The following POMT2 variants were observed in gnomAD, a reference collection of about 807,000 sequenced individuals.
The protein encoded by POMT2 is protein O-mannosyltransferase 2.
In POMT2, 75 loss-of-function variants were observed where a neutral mutation model predicts 100.0. That is an observed-to-expected ratio of 0.75 (90% CI 0.62 to 0.91). The LOEUF is 0.91. POMT2 is among the 40% of genes least tolerant of loss of function. The pLI, the probability that POMT2 is intolerant of heterozygous loss-of-function variation, is 0.00. For missense variants in POMT2, 940 were observed against 955.1 expected, an observed-to-expected ratio of 0.98 and a Z score of 0.21; for synonymous variants, 378 against 374.1, an observed-to-expected ratio of 1.01 and a Z score of -0.12.
chr14:77,312,085 CA>C lies in POMT2; in HGVS notation c.249-53del, dbSNP rs1891456703. 2.5e-6 allele frequency: 4 copies of C among 1,598,006 alleles called. No individual in the cohort carries two copies. The African/African-American group carries it at 5.4e-5, about 21-fold the overall frequency. On this transcript the variant is annotated intron_variant, in intron 1 of 20. Coordinates refer to ENST00000261534, the MANE Select transcript of POMT2 (RefSeq NM_013382.7). ...AGAATTTTAAAATTATCATAAAATC[CA>C]AATGGCCTTCATAAAGCATGGTTAA...
intron 14 of POMT2, 29 bp from the exon 15 acceptor site, chr14:77,283,902 C>T: frequency 6.5e-7 from 1 of 1,536,984 alleles, no homozygotes; most frequent in Non-Finnish European, 9.0e-7. Flanking sequence ...GGAGAAAAGC[C>T]TTTGTCATAC....
chr14:77,308,300 T>C (rs113274759), intron 2 of POMT2, among the ~76,000 whole-genome samples: 2,892 of 151,346 alleles, frequency 0.019, 40 homozygotes, highest in Middle Eastern at 0.051. Flanking sequence ...CATACAGTCA[T>C]GCAAATGAAA....
intron 13 of POMT2, 104 bp from the exon 14 acceptor site, chr14:77,285,145 C>T (rs758323379): frequency 2.0e-6 from 2 of 1,003,710 alleles, no homozygotes; most frequent in South Asian, 1.4e-5. Context: ...CTCTTTTCCA[C>T]ATGGTGGCCA....
intron 19 of POMT2, 73 bp from the exon 20 acceptor site, chr14:77,278,581 T>TC: frequency 1.4e-6 from 2 of 1,455,976 alleles, no homozygotes; most frequent in Non-Finnish European, 1.9e-6. Flanking sequence ...AAGGAGGCAC[T>TC]CCAAGTCAAG....
intron 2 of POMT2, among the ~76,000 whole-genome samples, chr14:77,308,968 C>A (rs1891339193): frequency 6.6e-6 from 1 of 152,110 alleles, no homozygotes; most frequent in Non-Finnish European, 1.5e-5. Context: ...ATACTTACGG[C>A]ACATCTACAT....
At chr14:77,291,597 G>A in intron 9 of POMT2, 1 of 647,720 alleles carries the variant, frequency 1.5e-6, no homozygotes, top group Non-Finnish European at 2.6e-6. Flanking sequence ...TAGAAGCTTT[G>A]TCCCACAAGA....
At chr14:77,320,080 G>A (rs551037424) in intron 1 of POMT2, among the ~76,000 whole-genome samples, 1 of 152,038 alleles carries the variant, frequency 6.6e-6, no homozygotes, top group Non-Finnish European at 1.5e-5. Context: ...GCAGACATAG[G>A]AACTCAGGCC....
intron 5 of POMT2, 122 bp downstream of exon 5, chr14:77,302,713 T>A (rs1459551176): frequency 1.3e-6 from 1 of 765,110 alleles, no homozygotes; most frequent in Non-Finnish European, 2.3e-6. Context: ...ACAAAAAGTA[T>A]GCTTGCCTTA....
chr14:77,299,067 A>G (rs1477203251), intron 7 of POMT2, among the ~76,000 whole-genome samples: 1 of 152,256 alleles, frequency 6.6e-6, no homozygotes, highest in East Asian at 1.9e-4. Context: ...GATAATGTGT[A>G]CAAAATGCGG....
chr14:77,303,925 G>A (rs1456691261), intron 4 of POMT2, among the ~76,000 whole-genome samples: 3 of 152,174 alleles, frequency 2.0e-5, no homozygotes, highest in Non-Finnish European at 4.4e-5. Context: ...GCCGGGAGCT[G>A]GGTAGGTGCT....
intron 1 of POMT2, 138 bp from the exon 2 acceptor site, chr14:77,312,171 T>C (rs1891460152): frequency 2.2e-6 from 3 of 1,380,178 alleles, no homozygotes; most frequent in South Asian, 1.5e-5. Flanking sequence ...AAAAAAAATA[T>C]TTTGACACAA....
rs780431340 is a variant in POMT2, at chr14:77,278,522, G to C, written c.2033-14C>G. The C allele has an allele frequency of 1.0e-5, 15 of 1,459,022 alleles. No individual in the cohort carries two copies. Among genetic ancestry groups the C allele is most frequent in the African/African-American group, 1.4e-5 (1 of 71,154 alleles). 90.4% of individuals were successfully genotyped at this position (1,459,022 alleles called of 1,614,324 possible). A position where few individuals can be genotyped will look rare whatever the true frequency, so the allele number is the denominator to read the frequency against. On this transcript the variant is annotated splice_polypyrimidine_tract_variant and intron_variant, in intron 19 of 20. Coordinates refer to ENST00000261534, the MANE Select transcript of POMT2 (RefSeq NM_013382.7). ...CCCACAGAATGCCTAGAGGAGAGGAGAGAAACCTGGAGTCAGCCAGGCAGG... is the reference window on the plus strand; with the variant it reads ...CCCACAGAATGCCTAGAGGAGAGGACAGAAACCTGGAGTCAGCCAGGCAGG...
chr14:77,301,285 T>G, intron 5 of POMT2, 36 bp from the exon 6 acceptor site: 2 of 1,613,330 alleles, frequency 1.2e-6, no homozygotes, highest in East Asian at 4.5e-5. Flanking sequence ...ATTTGGCAGC[T>G]GGAACCAAAG....
rs529199635 is a variant in POMT2 at position 77,304,865 on chromosome 14, A to G, written c.439-65T>C. The G allele has an allele frequency of 1.4e-5, 22 of 1,545,008 alleles. No homozygotes were observed. In the East Asian group the frequency reaches 5.4e-4, roughly 38 times the overall value. ...GCTAGGTCAGCGACCTACTGGACTCAGTACAACCTAACATTTAAGACAGGG... is the reference window on the plus strand; with the variant it reads ...GCTAGGTCAGCGACCTACTGGACTCGGTACAACCTAACATTTAAGACAGGG... On this transcript the variant is annotated intron_variant, in intron 3 of 20. Transcript: ENST00000261534.
intron 15 of POMT2, 145 bp from the exon 16 acceptor site, chr14:77,280,608 G>GT: frequency 6.6e-7 from 1 of 1,507,690 alleles, no homozygotes. Context: ...GAATCAGGCA[G>GT]CTGCTGTCTG....
At chr14:77,281,590 A>T (rs1246033345) in intron 15 of POMT2, among the ~76,000 whole-genome samples, 2 of 152,192 alleles carry the variant, frequency 1.3e-5, no homozygotes, top group African/African-American at 4.8e-5. Context: ...GTTCTGCCTT[A>T]TCACTGGGAC....
intron 9 of POMT2, among the ~76,000 whole-genome samples, chr14:77,293,040 T>G (rs1200346069): frequency 1.3e-5 from 2 of 152,234 alleles, no homozygotes; most frequent in African/African-American, 4.8e-5. Context: ...TTTGCTTGCA[T>G]TATGGCTGCT....
chr14:77,316,380 C>A (rs1387732910), intron 1 of POMT2, among the ~76,000 whole-genome samples: 1 of 151,878 alleles, frequency 6.6e-6, no homozygotes, highest in African/African-American at 2.4e-5. Context: ...CAAGACCAGC[C>A]TTGGCAGGAT....
intron 11 of POMT2, chr14:77,287,527 T>G: frequency 9.6e-6 from 1 of 103,672 alleles, no homozygotes; most frequent in Non-Finnish European, 2.2e-5. Flanking sequence ...TGTCTCTCTC[T>G]CTCTCTCTCT....
Sources: gnomAD v4.1 joint callset for allele counts (sites outside exome capture counted in the v4.1 genomes callset) on GRCh38, gnomAD v4.1.1 for gene constraint, MANE v1.5 for transcripts, NCBI Gene and HGNC (gene_info 2026-07-23, HGNC 2026-07-21) for gene names.